SLC4A7: variants seen among roughly 807,000 people sequenced by gnomAD.
The protein encoded by SLC4A7 is sodium bicarbonate cotransporter 3.
SLC4A7 carries 51 observed loss-of-function variants against 137.6 expected under a neutral mutation model. The observed-to-expected ratio is 0.37, with a 90% CI of 0.30 to 0.47. The LOEUF is 0.47. SLC4A7 is among the 20% of genes least tolerant of loss of function. The pLI, the probability that SLC4A7 is intolerant of heterozygous loss-of-function variation, is 1.00. For synonymous variants in SLC4A7, 542 were observed against 518.6 expected (o/e 1.05, Z -0.61); for missense variants, 1,247 against 1,525.4 (o/e 0.82, Z 3.04).
intron 1 of SLC4A7, among the ~76,000 whole-genome samples, chr3:27,470,718 G>A (rs887656128): frequency 7.3e-5 from 11 of 150,980 alleles, no homozygotes; most frequent in Non-Finnish European, 1.5e-4. Context: ...CGAGGCAGGC[G>A]GCTCACAAGG....
chr3:27,448,958 A>T lies in SLC4A7; in HGVS notation c.143-161T>A, dbSNP rs148255402. Among the ~76,000 whole-genome samples the T allele has an allele frequency of 4.5e-3, 684 of 152,370 alleles. 2 individuals carry two copies. Among genetic ancestry groups the T allele is most frequent in the African/African-American group, 0.016 (649 of 41,588 alleles). On this transcript the variant is annotated intron_variant, in intron 2 of 25. Coordinates refer to ENST00000454389, the MANE Select transcript of SLC4A7 (RefSeq NM_001321103.2). ...CTTATTTTATAAAGCACTACACAGAATATTGTGCCCAGGGCTAATATCACT... is the reference window on the plus strand; with the variant it reads ...CTTATTTTATAAAGCACTACACAGATTATTGTGCCCAGGGCTAATATCACT...
Position 27,376,162 on chromosome 3 carries a change from A to T in SLC4A7, c.*602T>A, listed in dbSNP as rs2049882652. ...GATATGAAGGTTTTAAGATTTAAAAAAAATTTAAACATAAAAGTTAAAAAC... is the reference window on the plus strand; with the variant it reads ...GATATGAAGGTTTTAAGATTTAAAATAAATTTAAACATAAAAGTTAAAAAC... On this transcript the variant is annotated 3_prime_UTR_variant, in exon 26 of 26. Coordinates refer to ENST00000454389, the MANE Select transcript of SLC4A7 (RefSeq NM_001321103.2). 6.6e-6 allele frequency: 1 copy of T among 152,112 alleles called. No homozygotes were observed. The highest frequency in any genetic ancestry group is 2.1e-4 in the South Asian group (1 of 4,836). The allele number at this position is 152,112 out of a possible 1,614,324, so 9.4% of individuals were successfully genotyped here.
At chr3:27,391,670 A>T in intron 21 of SLC4A7, 70 bp downstream of exon 21, 1 of 906,796 alleles carries the variant, frequency 1.1e-6, no homozygotes, top group Non-Finnish European at 1.7e-6. Flanking sequence ...CACTACCATC[A>T]TTAAAACAAT....
intron 22 of SLC4A7, among the ~76,000 whole-genome samples, chr3:27,386,960 G>C (rs1419661647): frequency 6.6e-6 from 1 of 152,064 alleles, no homozygotes; most frequent in East Asian, 1.9e-4. Flanking sequence ...CCATACAAAA[G>C]AAATACTACC....
intron 18 of SLC4A7, 97 bp from the exon 19 acceptor site, chr3:27,395,212 C>A (rs142110592): frequency 4.0e-6 from 3 of 753,258 alleles, no homozygotes; most frequent in African/African-American, 3.6e-5. Context: ...AAATACCCAA[C>A]GAATGGGAAA....
At chr3:27,475,605 C>T (rs1459184188) in intron 1 of SLC4A7, among the ~76,000 whole-genome samples, 1 of 152,006 alleles carries the variant, frequency 6.6e-6, no homozygotes, top group Non-Finnish European at 1.5e-5. Context: ...AAATGAAAGG[C>T]CAAATGAAGG....
chr3:27,446,678 G>A (rs1215971551), intron 3 of SLC4A7, among the ~76,000 whole-genome samples: 1 of 151,870 alleles, frequency 6.6e-6, no homozygotes, highest in African/African-American at 2.4e-5. Context: ...TAAACTGAAT[G>A]GCTGTGATGT....
chr3:27,447,319 A>C (rs2057731994), intron 3 of SLC4A7, among the ~76,000 whole-genome samples: 1 of 152,210 alleles, frequency 6.6e-6, no homozygotes, highest in Non-Finnish European at 1.5e-5. Context: ...GGTTAAACAT[A>C]AGACCATTTG....
chr3:27,449,784 T>G (rs1189073537), intron 2 of SLC4A7, among the ~76,000 whole-genome samples: 1 of 152,234 alleles, frequency 6.6e-6, no homozygotes, highest in Non-Finnish European at 1.5e-5. Flanking sequence ...TCTGCAACTA[T>G]GTACACAATT....
intron 1 of SLC4A7, among the ~76,000 whole-genome samples, chr3:27,483,409 G>A (rs866127612): frequency 1.3e-5 from 2 of 152,204 alleles, no homozygotes; most frequent in Admixed American, 6.5e-5. Flanking sequence ...CCTGCGGCAG[G>A]AGGATACTCC....
chr3:27,397,896 C>T (rs2052359869), intron 17 of SLC4A7, 99 bp from the exon 18 acceptor site: 5 of 692,062 alleles, frequency 7.2e-6, no homozygotes, highest in Admixed American at 3.2e-5. Flanking sequence ...CTACAACGTA[C>T]AAATGGAGCT....
chr3:27,389,926 C>A lies in SLC4A7; in HGVS notation c.3360+5G>T, dbSNP rs985666657. 6.2e-7 allele frequency: 1 copy of A among 1,609,938 alleles called. No homozygotes were observed. Among genetic ancestry groups the A allele is most frequent in the African/African-American group, 1.3e-5 (1 of 74,798 alleles). The stretch of plus-strand genomic sequence containing the variant: ...AGTGACAAAATAAGTCTGAAGAAAT[C>A]TTACCATCATGGGAAAAACCACTGC... On this transcript the variant is annotated splice_donor_5th_base_variant and intron_variant, in intron 22 of 25. Coordinates refer to ENST00000454389, the MANE Select transcript of SLC4A7 (RefSeq NM_001321103.2).
chr3:27,467,172 C>T (rs1576638979), intron 1 of SLC4A7, among the ~76,000 whole-genome samples: 1 of 152,262 alleles, frequency 6.6e-6, no homozygotes, highest in East Asian at 1.9e-4. Context: ...AGGGACAATG[C>T]ACTTTTCACT....
chr3:27,429,196 G>C (rs1391407799), intron 7 of SLC4A7, among the ~76,000 whole-genome samples: 1 of 151,308 alleles, frequency 6.6e-6, no homozygotes, highest in Admixed American at 6.6e-5. Context: ...AACCCGGGAG[G>C]CGGAGGTTGC....
At position 27,390,011 on chromosome 3, in the gene SLC4A7, A is replaced by C. The variant is rs1427355139; in HGVS notation, c.3280T>G (p.Phe1094Val). Residue 1094 changes from phenylalanine (F) to valine (V), a missense_variant, in exon 22 of 26, where the codon TTC becomes GTC. By Grantham distance (50) the Phe-to-Val change is conservative. Coordinates refer to ENST00000454389, the MANE Select transcript of SLC4A7 (RefSeq NM_001321103.2). ...AAACAAGTAAGCTGAATGACTGTGA[A>C]AATATGGACCTTCCAGAGCGGCACA... ...RYVPLWKVHI[F>V]TVIQLTCLVL... 1 of 1,613,708 alleles carries C rather than the reference A, an allele frequency of 6.2e-7. No homozygotes were observed. Among genetic ancestry groups the C allele is most frequent in the East Asian group, 2.2e-5 (1 of 44,870 alleles).
At chr3:27,437,740 G>GA (rs893393200) in intron 3 of SLC4A7, among the ~76,000 whole-genome samples, 2 of 146,148 alleles carry the variant, frequency 1.4e-5, no homozygotes, top group Non-Finnish European at 3.0e-5. Context: ...AATCTCTATA[G>GA]AAAAAAAAGA....
Position 27,373,139 on chromosome 3 carries a change from AATCTGAT to A in SLC4A7, c.*3618_*3624del, listed in dbSNP as rs1318691991. ...ACACAAAAACTAATCAGTGTGCAAA[AATCTGAT>A]TAAAAAAACAAAACAAAACTGGGGT... On this transcript the variant is annotated 3_prime_UTR_variant, in exon 26 of 26. Coordinates refer to ENST00000454389, the MANE Select transcript of SLC4A7 (RefSeq NM_001321103.2). The A allele has an allele frequency of 3.3e-5, 5 of 151,764 alleles. No individual in the cohort carries two copies. Among genetic ancestry groups the A allele is most frequent in the African/African-American group, 1.2e-4 (5 of 41,340 alleles). The allele number at this position is 151,764 out of a possible 1,614,324, so 9.4% of individuals were successfully genotyped here.
chr3:27,446,878 TTTTTTTGTTTTTTTTG>T (rs2057687819), intron 3 of SLC4A7, among the ~76,000 whole-genome samples: 1 of 92,136 alleles, frequency 1.1e-5, no homozygotes, highest in Admixed American at 1.3e-4. Context: ...TTTTTTTGTT[TTTTTTTGTTTTTTTTG>T]TTTTTTTTAA....
intron 24 of SLC4A7, among the ~76,000 whole-genome samples, chr3:27,379,869 G>A (rs1318060851): frequency 6.6e-6 from 1 of 151,976 alleles, no homozygotes; most frequent in Non-Finnish European, 1.5e-5. Context: ...AAGAATGCTT[G>A]GAAAGATAAC....
Sources: gnomAD v4.1 joint callset for allele counts (sites outside exome capture counted in the v4.1 genomes callset) on GRCh38, gnomAD v4.1.1 for gene constraint, MANE v1.5 for transcripts, NCBI Gene and HGNC (gene_info 2026-07-23, HGNC 2026-07-21) for gene names.